NKAIN3: variants seen among roughly 807,000 people sequenced by gnomAD.
NKAIN3 encodes sodium/potassium-transporting ATPase subunit beta-1-interacting protein 3.
Under a neutral mutation model 30.2 loss-of-function variants are expected in NKAIN3, and 25 were observed. The ratio of observed to expected loss-of-function variants is 0.83; its 90% CI spans 0.60 to 1.16. NKAIN3 has a LOEUF of 1.16. Among genes scored for constraint, NKAIN3 ranks in the 50% most tolerant of loss-of-function variants. The pLI, the probability that NKAIN3 is intolerant of heterozygous loss-of-function variation, is 0.00. For synonymous variants in NKAIN3, 91 were observed against 89.6 expected (o/e 1.02, Z -0.09); for missense variants, 225 against 254.1 (o/e 0.89, Z 0.78).
intron 5 of NKAIN3, among the ~76,000 whole-genome samples, chr8:62,923,664 C>G (rs1237454591): frequency 6.6e-6 from 1 of 152,146 alleles, no homozygotes. Context: ...CAGGGACTTA[C>G]TTGAAAGGGA....
intron 4 of NKAIN3, among the ~76,000 whole-genome samples, chr8:62,848,190 TA>T (rs1392111052): frequency 6.6e-6 from 1 of 152,172 alleles, no homozygotes; most frequent in Admixed American, 6.6e-5. Context: ...AATTTTAAAA[TA>T]GTTTTTCTGA....
intron 1 of NKAIN3, among the ~76,000 whole-genome samples, chr8:62,334,945 A>G (rs1815488559): frequency 6.6e-6 from 1 of 152,182 alleles, no homozygotes; most frequent in South Asian, 2.1e-4. Context: ...GTAAGTAATT[A>G]AAGAGACAGG....
In NKAIN3 at chr8:62,913,186, C is replaced by T. The variant is rs921363568; in HGVS notation, c.472-5267C>T. On this transcript the variant is annotated intron_variant, in intron 4 of 6. Coordinates refer to ENST00000623646, the MANE Select transcript of NKAIN3 (RefSeq NM_001304533.3). ...TTTTAGATAGAAGGACTACACTCTA[C>T]AGTAAGAAGTATAGTATAAATACAT... Among the ~76,000 whole-genome samples the T allele has an allele frequency of 4.6e-5, 7 of 152,068 alleles. No homozygotes were observed. In the South Asian group the frequency reaches 1.0e-3, roughly 23 times the overall value.
In NKAIN3 at chr8:62,923,923, CA is replaced by C. The variant is rs1822358892; in HGVS notation, c.532+5413del. The stretch of plus-strand genomic sequence containing the variant: ...AGAATATCATAAGCATTCAAATGCC[CA>C]AACCAGCAAACCAACTGGAGATTCC... On this transcript the variant is annotated intron_variant, in intron 5 of 6. Coordinates refer to ENST00000623646, the MANE Select transcript of NKAIN3 (RefSeq NM_001304533.3). Among the ~76,000 whole-genome samples the C allele has an allele frequency of 2.0e-5, 3 of 152,100 alleles. No individual in the cohort carries two copies. In the South Asian group the frequency reaches 6.2e-4, roughly 32 times the overall value.
intron 5 of NKAIN3, among the ~76,000 whole-genome samples, chr8:62,945,953 G>A (rs1823111470): frequency 6.6e-6 from 1 of 152,168 alleles, no homozygotes; most frequent in African/African-American, 2.4e-5. Flanking sequence ...GTATTGCTGA[G>A]CAGAAAGAAG....
chr8:62,664,040 C>T (rs532379580), intron 3 of NKAIN3, among the ~76,000 whole-genome samples: 2 of 151,982 alleles, frequency 1.3e-5, no homozygotes, highest in African/African-American at 2.4e-5. Flanking sequence ...CCCTGAATAC[C>T]CTGTTTCCTC....
At chr8:62,462,706 A>C (rs1207133799) in intron 1 of NKAIN3, among the ~76,000 whole-genome samples, 1 of 152,162 alleles carries the variant, frequency 6.6e-6, no homozygotes, top group Non-Finnish European at 1.5e-5. Context: ...ACATCTTTAC[A>C]AAAGAAAAAG....
At chr8:62,888,425 G>T (rs1012643391) in intron 4 of NKAIN3, among the ~76,000 whole-genome samples, 1 of 152,164 alleles carries the variant, frequency 6.6e-6, no homozygotes, top group East Asian at 1.9e-4. Flanking sequence ...ACTTTCAAAT[G>T]GTCCACTGTA....
At chr8:62,684,210 G>A (rs561714246) in intron 3 of NKAIN3, among the ~76,000 whole-genome samples, 1 of 152,234 alleles carries the variant, frequency 6.6e-6, no homozygotes, top group African/African-American at 2.4e-5. Context: ...AAGCCACCAT[G>A]CCATCTCTCC....
chr8:62,398,192 A>T, intron 1 of NKAIN3, among the ~76,000 whole-genome samples: 1 of 152,074 alleles, frequency 6.6e-6, no homozygotes, highest in East Asian at 1.9e-4. Context: ...GGCTGCAGGG[A>T]AGGGGCCCCT....
At chr8:62,671,508 G>A (rs561340670) in intron 3 of NKAIN3, among the ~76,000 whole-genome samples, 2 of 152,180 alleles carry the variant, frequency 1.3e-5, no homozygotes, top group South Asian at 4.2e-4. Context: ...TTAATACAAG[G>A]AAACTATGTA....
chr8:62,818,416 T>TATG (rs757325650), intron 4 of NKAIN3, among the ~76,000 whole-genome samples: 2 of 152,176 alleles, frequency 1.3e-5, no homozygotes, highest in African/African-American at 2.4e-5. Flanking sequence ...AAACAAATGA[T>TATG]ATGCCATATA....
chr8:62,725,003 G>C (rs900582595), intron 3 of NKAIN3, among the ~76,000 whole-genome samples: 1 of 152,034 alleles, frequency 6.6e-6, no homozygotes, highest in Admixed American at 6.6e-5. Context: ...CACCAACAGG[G>C]TACAAGGGTT....
intron 3 of NKAIN3, among the ~76,000 whole-genome samples, chr8:62,628,193 T>G (rs1321123874): frequency 6.6e-6 from 1 of 152,102 alleles, no homozygotes; most frequent in African/African-American, 2.4e-5. Flanking sequence ...CACATCAGCT[T>G]TGGGAAACAT....
At chr8:62,746,791 G>T in intron 3 of NKAIN3, 141 bp from the exon 4 acceptor site, 1 of 591,350 alleles carries the variant, frequency 1.7e-6, no homozygotes. Flanking sequence ...GCCACTTGGG[G>T]CTTTGTCTTT....
At chr8:62,882,219 A>G (rs1821004680) in intron 4 of NKAIN3, among the ~76,000 whole-genome samples, 1 of 152,120 alleles carries the variant, frequency 6.6e-6, no homozygotes, top group South Asian at 2.1e-4. Flanking sequence ...TTCTCTTGAA[A>G]CTGTCTCAGA....
chr8:62,865,546 C>T (rs1378955929), intron 4 of NKAIN3, among the ~76,000 whole-genome samples: 1 of 152,268 alleles, frequency 6.6e-6, no homozygotes, highest in Admixed American at 6.5e-5. Context: ...GAAACAATAA[C>T]GTGTCTCTAA....
At chr8:62,637,003 C>A (rs1331112616) in intron 3 of NKAIN3, among the ~76,000 whole-genome samples, 1 of 152,038 alleles carries the variant, frequency 6.6e-6, no homozygotes, top group African/African-American at 2.4e-5. Flanking sequence ...TTCCATTTCA[C>A]ATGTATAACT....
intron 1 of NKAIN3, among the ~76,000 whole-genome samples, chr8:62,329,935 A>G (rs969790218): frequency 2.6e-5 from 4 of 152,068 alleles, no homozygotes; most frequent in African/African-American, 9.7e-5. Flanking sequence ...AGGAGCTACT[A>G]GCTCAGTGAA....
Sources: allele counts gnomAD v4.1 joint callset (sites outside exome capture counted in the v4.1 genomes callset), GRCh38; gene constraint gnomAD v4.1.1; transcripts MANE v1.5; gene names NCBI Gene and HGNC (gene_info 2026-07-23, HGNC 2026-07-21).